The following ATG10 variants were observed in gnomAD, a reference collection of about 807,000 sequenced individuals.
ATG10 encodes the protein ubiquitin-like-conjugating enzyme ATG10.
A neutral mutation model predicts 32.1 loss-of-function variants in ATG10; 30 were observed. The observed-to-expected ratio is 0.94, with a 90% confidence interval of 0.70 to 1.27. ATG10 has a LOEUF of 1.27. Ranked by LOEUF, ATG10 falls within the 50% of genes most tolerant of loss-of-function variation. ATG10 has a pLI of 0.00. For synonymous variants in ATG10, 87 were observed against 91.5 expected (o/e 0.95, Z 0.28); for missense variants, 233 against 262.3 (o/e 0.89, Z 0.77).
rs1163237696 is a variant in ATG10 at position 82,009,752 on chromosome 5, G to A, written c.108+22074G>A. On this transcript the variant is annotated intron_variant, in intron 2 of 7. Coordinates refer to ENST00000282185, the MANE Select transcript of ATG10 (RefSeq NM_031482.5). The stretch of plus-strand genomic sequence containing the variant: ...CCAACCACTCAGTCTTGGCAGTGCA[G>A]ATGAAAAACTGGGAGCCATTTGTGT... The A allele has an allele frequency of 1.9e-5, 31 of 1,604,568 alleles. No homozygotes were observed. The Admixed American group carries it at 4.7e-4, about 24-fold the overall frequency.
At chr5:82,132,195 A>G (rs572151421) in intron 3 of ATG10, among the ~76,000 whole-genome samples, 103 of 152,212 alleles carry the variant, frequency 6.8e-4, no homozygotes, top group Non-Finnish European at 1.3e-3. Context: ...AAGAGTGTGT[A>G]CTATAGTTCC....
rs557392357 is a variant in ATG10 at position 82,088,293 on chromosome 5, A to G, written c.216+29691A>G. On this transcript the variant is annotated intron_variant, in intron 3 of 7. Transcript: ENST00000282185. ...ATGACTATTTCTTCTTCTGGGAGAT[A>G]TGAACTATATTAGGTAATCAGTAAG... Among the ~76,000 whole-genome samples the G allele has an allele frequency of 2.2e-3, 339 of 152,290 alleles. 1 individual carries two copies. Among genetic ancestry groups the G allele is most frequent in the African/African-American group, 7.9e-3 (328 of 41,572 alleles).
chr5:82,033,923 A>G (rs1485924676), intron 2 of ATG10, among the ~76,000 whole-genome samples: 2 of 148,760 alleles, frequency 1.3e-5, no homozygotes, highest in African/African-American at 2.5e-5. Flanking sequence ...TATATACTAT[A>G]TGTGTATATG....
intron 5 of ATG10, among the ~76,000 whole-genome samples, chr5:82,185,996 C>G (rs1055522027): frequency 6.6e-6 from 1 of 152,180 alleles, no homozygotes; most frequent in Non-Finnish European, 1.5e-5. Context: ...TGGTATAGGT[C>G]TCAGTGGGTA....
intron 2 of ATG10, among the ~76,000 whole-genome samples, chr5:81,994,468 G>C (rs570311402): frequency 6.6e-6 from 1 of 152,294 alleles, no homozygotes; most frequent in South Asian, 2.1e-4. Context: ...GGAAAAATTG[G>C]ACTGAAGAAA....
chr5:82,192,935 C>A (rs528726608), intron 5 of ATG10, among the ~76,000 whole-genome samples: 2 of 152,282 alleles, frequency 1.3e-5, no homozygotes, highest in East Asian at 3.9e-4. Context: ...CAAAAGAAGA[C>A]TTAAAAAACT....
intron 2 of ATG10, among the ~76,000 whole-genome samples, chr5:81,994,319 C>T (rs950469396): frequency 3.3e-5 from 5 of 152,112 alleles, no homozygotes; most frequent in African/African-American, 9.7e-5. Flanking sequence ...TTTCCTTTCA[C>T]GCTGTCTCCA....
At chr5:82,123,909 C>G (rs1017466160) in intron 3 of ATG10, among the ~76,000 whole-genome samples, 3 of 151,898 alleles carry the variant, frequency 2.0e-5, no homozygotes, top group Non-Finnish European at 2.9e-5. Flanking sequence ...GCACTCCAGC[C>G]TGGGTGACAG....
At chr5:82,005,449 C>T (rs1761965904) in intron 2 of ATG10, among the ~76,000 whole-genome samples, 1 of 152,154 alleles carries the variant, frequency 6.6e-6, no homozygotes, top group Non-Finnish European at 1.5e-5. Flanking sequence ...CATCCACCAC[C>T]ACGCCCAGCT....
At chr5:82,039,433 T>C (rs983335027) in intron 2 of ATG10, among the ~76,000 whole-genome samples, 2 of 152,196 alleles carry the variant, frequency 1.3e-5, no homozygotes, top group African/African-American at 4.8e-5. Flanking sequence ...TATACAGATT[T>C]ATTATACATT....
intron 3 of ATG10, among the ~76,000 whole-genome samples, chr5:82,082,339 G>C (rs1764513745): frequency 6.6e-6 from 1 of 152,170 alleles, no homozygotes. Flanking sequence ...TGAGAAAGTT[G>C]TTGAAATATG....
intron 2 of ATG10, among the ~76,000 whole-genome samples, chr5:82,035,859 G>A (rs968791004): frequency 1.3e-5 from 2 of 150,756 alleles, no homozygotes. Context: ...ATTTTCCCCA[G>A]TCTGTCACTT....
rs567335245 is a variant in ATG10, at chr5:82,129,930, T to C, written c.217-34469T>C. ...TGCAGGCAAGAACGTTTAAGTCTCC[T>C]GAAGCTGCCCCCACAACTGCCCCTT... On this transcript the variant is annotated intron_variant, in intron 3 of 7. Transcript: ENST00000282185. 2.6e-5 allele frequency among the ~76,000 whole-genome samples: 4 copies of C among 152,244 alleles called. No individual in the cohort carries two copies. The East Asian group carries it at 5.8e-4, about 22-fold the overall frequency.
chr5:82,211,877 T>C (rs1745506227), intron 5 of ATG10, among the ~76,000 whole-genome samples: 1 of 151,886 alleles, frequency 6.6e-6, no homozygotes, highest in Non-Finnish European at 1.5e-5. Flanking sequence ...GTAGATTCTA[T>C]GGCCCAGGCC....
intron 2 of ATG10, among the ~76,000 whole-genome samples, chr5:82,002,966 T>C (rs140056327): frequency 6.6e-6 from 1 of 152,286 alleles, no homozygotes; most frequent in East Asian, 1.9e-4. Context: ...AAAAAAATTA[T>C]TTCACGTGAC....
chr5:82,240,171 A>C, intron 5 of ATG10, among the ~76,000 whole-genome samples: 1 of 152,196 alleles, frequency 6.6e-6, no homozygotes, highest in Non-Finnish European at 1.5e-5. Flanking sequence ...ATTGCTGGGT[A>C]TATATCCAAA....
At chr5:82,203,225 C>G (rs1745140390) in intron 5 of ATG10, among the ~76,000 whole-genome samples, 1 of 147,754 alleles carries the variant, frequency 6.8e-6, no homozygotes, top group Non-Finnish European at 1.5e-5. Context: ...AAGACTCCAT[C>G]TAAAAAAAAA....
At chr5:81,975,116 C>T (rs963540206) in intron 1 of ATG10, among the ~76,000 whole-genome samples, 7 of 152,084 alleles carry the variant, frequency 4.6e-5, no homozygotes, top group African/African-American at 1.7e-4. Flanking sequence ...AGTAATTTAC[C>T]TCAAAAAGTT....
intron 2 of ATG10, among the ~76,000 whole-genome samples, chr5:82,010,795 A>G (rs1581595207): frequency 6.6e-6 from 1 of 152,302 alleles, no homozygotes; most frequent in East Asian, 1.9e-4. Context: ...TTTTGGTCAT[A>G]TTGTATTAAA....
Sources: gnomAD v4.1 joint callset for allele counts (sites outside exome capture counted in the v4.1 genomes callset) on GRCh38, gnomAD v4.1.1 for gene constraint, MANE v1.5 for transcripts, NCBI Gene and HGNC (gene_info 2026-07-23, HGNC 2026-07-21) for gene names.